The following FBXL20 variants were observed in gnomAD, a reference collection of about 807,000 sequenced individuals.
The protein encoded by FBXL20 is F-box/LRR-repeat protein 20.
A neutral mutation model predicts 64.0 loss-of-function variants in FBXL20; 11 were observed. That is an observed-to-expected ratio of 0.17 (90% confidence interval 0.11 to 0.28). The LOEUF (loss-of-function observed/expected upper bound fraction) is 0.28, where lower values mean the gene tolerates loss of function less well. FBXL20 is among the 10% of genes least tolerant of loss of function. The pLI is 1.00. For synonymous variants in FBXL20, 184 were observed against 189.0 expected, an observed-to-expected ratio of 0.97 and a Z score of 0.22; for missense variants, 303 against 526.2, an observed-to-expected ratio of 0.58 and a Z score of 4.15.
In FBXL20 at chr17:39,334,608, G is replaced by T. The variant is rs149606580; in HGVS notation, c.104+8572C>A. Reference sequence around the variant, plus strand: ...ACAATTATGACCCAACACCAGAAGAGTTGAAAAAATGAGAAAAAAATTTCA... The same window carrying T: ...ACAATTATGACCCAACACCAGAAGATTTGAAAAAATGAGAAAAAAATTTCA... On this transcript the variant is annotated intron_variant, in intron 2 of 14. Transcript: ENST00000264658. Among the ~76,000 whole-genome samples the T allele has an allele frequency of 2.8e-3, 429 of 151,886 alleles. 2 individuals carry two copies. In the Middle Eastern group the frequency reaches 0.061, roughly 22 times the overall value.
intron 1 of FBXL20, among the ~76,000 whole-genome samples, chr17:39,392,970 A>G (rs1464686182): frequency 6.6e-6 from 1 of 150,730 alleles, no homozygotes; most frequent in African/African-American, 2.4e-5. Flanking sequence ...TCCATCCTGG[A>G]CAACAAGAGT....
At chr17:39,281,950 A>T (rs1243005765) in intron 8 of FBXL20, among the ~76,000 whole-genome samples, 1 of 152,192 alleles carries the variant, frequency 6.6e-6, no homozygotes, top group Non-Finnish European at 1.5e-5. Flanking sequence ...GATTATAATG[A>T]TACATTCCAA....
chr17:39,315,926 C>T (rs558797184), intron 2 of FBXL20, among the ~76,000 whole-genome samples: 53 of 148,554 alleles, frequency 3.6e-4, no homozygotes, highest in Non-Finnish European at 3.6e-4. Flanking sequence ...TAATAAAATA[C>T]ATTAACCATA....
intron 1 of FBXL20, among the ~76,000 whole-genome samples, chr17:39,345,088 TGA>T (rs1165411087): frequency 1.3e-5 from 2 of 152,190 alleles, no homozygotes; most frequent in Non-Finnish European, 2.9e-5. Context: ...TGACCGAAGC[TGA>T]GAGAAATACG....
At chr17:39,309,669 GTGTACGC>G (rs1246208572) in intron 2 of FBXL20, among the ~76,000 whole-genome samples, 2 of 151,614 alleles carry the variant, frequency 1.3e-5, no homozygotes, top group Non-Finnish European at 2.9e-5. Flanking sequence ...AGGCGTGGTG[GTGTACGC>G]TGTAATCCCA....
Position 39,252,667 on chromosome 17 carries a change from C to T in FBXL20, c.*8793G>A, listed in dbSNP as rs2046660397. On this transcript the variant is annotated 3_prime_UTR_variant, in exon 15 of 15. Coordinates refer to ENST00000264658, the MANE Select transcript of FBXL20 (RefSeq NM_032875.3). ...TCCACAGGAAAATGAAAAGTCTTCA[C>T]AGCTTACTTTCTTTAATTACATCAT... The T allele has an allele frequency of 6.6e-6, 1 of 151,844 alleles. No homozygotes were observed. The highest frequency in any genetic ancestry group is 1.9e-4 in the East Asian group (1 of 5,302). The allele number at this position is 151,844 out of a possible 1,614,324, so 9.4% of individuals were successfully genotyped here. A position where few individuals can be genotyped will look rare whatever the true frequency, so the allele number is the denominator to read the frequency against.
intron 2 of FBXL20, among the ~76,000 whole-genome samples, chr17:39,334,947 A>G (rs2047505960): frequency 6.6e-6 from 1 of 152,188 alleles, no homozygotes; most frequent in Non-Finnish European, 1.5e-5. Flanking sequence ...AAATTAAAGA[A>G]TGTGTAAGCA....
intron 1 of FBXL20, among the ~76,000 whole-genome samples, chr17:39,369,579 C>T (rs2047895108): frequency 6.6e-6 from 1 of 152,060 alleles, no homozygotes; most frequent in Non-Finnish European, 1.5e-5. Flanking sequence ...TCTCAAACTC[C>T]TGACCTCATG....
At chr17:39,282,605 TC>T (rs1205389047) in intron 8 of FBXL20, 123 bp downstream of exon 8, 2 of 1,291,726 alleles carry the variant, frequency 1.5e-6, no homozygotes, top group African/African-American at 1.5e-5. Flanking sequence ...TAAGCATTTG[TC>T]TTTTGTCAAT....
chr17:39,269,098 C>T (rs940676850), intron 11 of FBXL20, among the ~76,000 whole-genome samples: 2 of 152,176 alleles, frequency 1.3e-5, no homozygotes, highest in African/African-American at 4.8e-5. Flanking sequence ...CAGCCTCCAA[C>T]TCCCTGGGCT....
chr17:39,286,156 T>C (rs1428971209), intron 6 of FBXL20, among the ~76,000 whole-genome samples: 2 of 152,194 alleles, frequency 1.3e-5, no homozygotes, highest in African/African-American at 4.8e-5. Context: ...ACTTCAAATA[T>C]AAACAAGAGT....
At chr17:39,343,283 T>C in intron 1 of FBXL20, 42 bp from the exon 2 acceptor site, 1 of 1,384,364 alleles carries the variant, frequency 7.2e-7, no homozygotes. Context: ...ACTTAACATT[T>C]TATTACAGAA....
At chr17:39,306,243 T>G (rs944838676) in intron 2 of FBXL20, among the ~76,000 whole-genome samples, 1 of 151,422 alleles carries the variant, frequency 6.6e-6, no homozygotes, top group Admixed American at 6.6e-5. Context: ...CTCAGCCTCT[T>G]GGGGTCACGT....
At chr17:39,264,939 G>C (rs2046778313) in intron 13 of FBXL20, among the ~76,000 whole-genome samples, 1 of 152,090 alleles carries the variant, frequency 6.6e-6, no homozygotes. Flanking sequence ...AAATGAGCCT[G>C]GATACAACAG....
intron 13 of FBXL20, among the ~76,000 whole-genome samples, chr17:39,264,971 C>T (rs1281709044): frequency 6.6e-6 from 1 of 152,194 alleles, no homozygotes; most frequent in Non-Finnish European, 1.5e-5. Flanking sequence ...AGAATGCCTT[C>T]CTCTAGTGTC....
chr17:39,340,070 C>T (rs2047567434), intron 2 of FBXL20, among the ~76,000 whole-genome samples: 1 of 152,112 alleles, frequency 6.6e-6, no homozygotes, highest in Non-Finnish European at 1.5e-5. Flanking sequence ...AGCTGGGATG[C>T]CCGCTGCCAC....
chr17:39,275,093 G>C lies in FBXL20; in HGVS notation c.704C>G (p.Thr235Arg). The part of the protein sequence containing the change: ...TLNLQTCLQI[T>R]DEGLITICRG... ...GCATATAGTAATGAGACCTTCATCTGTGATTTGCTAAAAAACAAGAGCAAA... is the reference window on the plus strand; with the variant it reads ...GCATATAGTAATGAGACCTTCATCTCTGATTTGCTAAAAAACAAGAGCAAA... The change falls in exon 10 of 15, where the codon ACA (threonine) becomes AGA (arginine). Residue 235 changes from threonine (T) to arginine (R), a missense_variant. By Grantham distance (71) the Thr-to-Arg change is moderately conservative. Coordinates refer to ENST00000264658, the MANE Select transcript of FBXL20 (RefSeq NM_032875.3). 1 of 1,603,382 alleles carries C rather than the reference G, an allele frequency of 6.2e-7. No homozygotes were observed. Among genetic ancestry groups the C allele is most frequent in the African/African-American group, 1.3e-5 (1 of 74,548 alleles).
At chr17:39,272,837 T>G (rs1457427671) in intron 10 of FBXL20, among the ~76,000 whole-genome samples, 1 of 152,136 alleles carries the variant, frequency 6.6e-6, no homozygotes, top group Admixed American at 6.5e-5. Context: ...TTTTCCATTC[T>G]AACAATGTAA....
At chr17:39,351,931 T>G (rs922388172) in intron 1 of FBXL20, among the ~76,000 whole-genome samples, 3 of 152,222 alleles carry the variant, frequency 2.0e-5, no homozygotes. Context: ...AAAATTATAA[T>G]TGTTTTTCTA....
Sources: allele counts gnomAD v4.1 joint callset (sites outside exome capture counted in the v4.1 genomes callset), GRCh38; gene constraint gnomAD v4.1.1; transcripts MANE v1.5; gene names NCBI Gene and HGNC (gene_info 2026-07-23, HGNC 2026-07-21).